The following MAP4K2 variants were observed in gnomAD, a reference collection of about 807,000 sequenced individuals.
The protein encoded by MAP4K2 is B lymphocyte serine/threonine protein kinase.
MAP4K2 carries 85 observed loss-of-function variants against 125.3 expected under a neutral mutation model. The observed-to-expected ratio is 0.68, with a 90% CI of 0.57 to 0.81. The LOEUF is 0.81. MAP4K2 is among the 40% of genes least tolerant of loss of function. MAP4K2 has a pLI of 0.00. For synonymous variants in MAP4K2, 479 were observed against 445.1 expected (o/e 1.08, Z -0.96); for missense variants, 923 against 1,056.4 (o/e 0.87, Z 1.75).
At chr11:64,799,712 C>T (rs1356889128) in intron 12 of MAP4K2, 29 bp from the exon 13 acceptor site, 1 of 1,594,700 alleles carries the variant, frequency 6.3e-7, no homozygotes, top group Non-Finnish European at 8.6e-7. Context: ...AGTGTGGACA[C>T]ACCTGGCACG....
At chr11:64,802,849 C>A in intron 2 of MAP4K2, 36 bp downstream of exon 2, 1 of 1,587,554 alleles carries the variant, frequency 6.3e-7, no homozygotes. Context: ...GCGCTCTGCC[C>A]TTCCTCTGGC....
intron 25 of MAP4K2, 34 bp from the exon 26 acceptor site, chr11:64,792,309 G>A: frequency 6.3e-7 from 1 of 1,588,174 alleles, no homozygotes; most frequent in Non-Finnish European, 8.6e-7. Flanking sequence ...CACCGGGCTG[G>A]GCCTGCGCTG....
rs565546034 is a variant in MAP4K2, at chr11:64,789,509, G to A, written c.*28C>T. On this transcript the variant is annotated 3_prime_UTR_variant, in exon 32 of 32. Transcript: ENST00000294066. ...CTGCAGCTAAGGCGTGGGGTGGGGC[G>A]GGGAGCCCCTGGACAGGCCCGCTGC... 6.2e-5 allele frequency: 97 copies of A among 1,552,526 alleles called. 1 individual carries two copies. In the South Asian group the frequency reaches 9.5e-4, roughly 15 times the overall value.
chr11:64,796,213 A>G (rs543001168), intron 24 of MAP4K2, 60 bp downstream of exon 24: 14 of 1,428,046 alleles, frequency 9.8e-6, no homozygotes, highest in Non-Finnish European at 1.1e-5. Context: ...TGGCAAGGCC[A>G]TGTTCCAGCC....
chr11:64,791,222 G>A (rs1207849208), intron 27 of MAP4K2, among the ~76,000 whole-genome samples: 5 of 152,204 alleles, frequency 3.3e-5, no homozygotes, highest in East Asian at 3.9e-4. Context: ...AACTACGTGC[G>A]CCCTCCTTTC....
chr11:64,802,052 A>C lies in MAP4K2; in HGVS notation c.366+14T>G. The C allele has an allele frequency of 2.5e-6, 4 of 1,610,730 alleles. No individual in the cohort carries two copies. The highest frequency in any genetic ancestry group is 2.5e-6 in the Non-Finnish European group (3 of 1,179,342). Reference sequence around the variant, plus strand: ...TGGAGACCAGAGGTGTGGGCACCTCACAGGCCCAGCTACCTTCAGTGCCTC... The same window carrying C: ...TGGAGACCAGAGGTGTGGGCACCTCCCAGGCCCAGCTACCTTCAGTGCCTC... On this transcript the variant is annotated intron_variant, in intron 5 of 31. Transcript: ENST00000294066.
intron 29 of MAP4K2, 109 bp from the exon 30 acceptor site, chr11:64,790,068 G>T: frequency 6.5e-7 from 1 of 1,532,592 alleles, no homozygotes; most frequent in African/African-American, 1.4e-5. Flanking sequence ...AGGTGACCAG[G>T]ATGGCTCAGG....
chr11:64,799,361 C>CA (rs1233388304), intron 14 of MAP4K2, 60 bp downstream of exon 14: 3 of 1,591,630 alleles, frequency 1.9e-6, no homozygotes, highest in Non-Finnish European at 2.6e-6. Context: ...GCTCGGCCTC[C>CA]ATCCGACCTC....
chr11:64,791,704 G>A (rs921863178), intron 27 of MAP4K2, among the ~76,000 whole-genome samples: 5 of 152,152 alleles, frequency 3.3e-5, no homozygotes, highest in Non-Finnish European at 5.9e-5. Context: ...AAGCCCTTCC[G>A]TCTAATGAAC....
At chr11:64,798,712 G>T in intron 15 of MAP4K2, 82 bp downstream of exon 15, 1 of 1,494,410 alleles carries the variant, frequency 6.7e-7, no homozygotes, top group East Asian at 2.3e-5. Flanking sequence ...TGGGATTACA[G>T]GCATGAGCCA....
At chr11:64,797,940 T>G (rs373629438) in intron 15 of MAP4K2, among the ~76,000 whole-genome samples, 1 of 151,506 alleles carries the variant, frequency 6.6e-6, no homozygotes, top group Admixed American at 6.6e-5. Context: ...CTCCTGCCCT[T>G]GTGATCCGCC....
intron 27 of MAP4K2, 79 bp from the exon 28 acceptor site, chr11:64,790,541 A>T: frequency 2.9e-6 from 4 of 1,384,186 alleles, no homozygotes; most frequent in South Asian, 1.2e-5. Context: ...GCCAGGCTAC[A>T]GACAGCCCTT....
chr11:64,795,510 C>T lies in MAP4K2; in HGVS notation c.1751+763G>A, dbSNP rs188570293. ...CTGCCTCTCAGGTTCAAGCGATTCT[C>T]CTGTCTCAGCCTCCCGAGTAGCTGG... is the stretch of plus-strand genomic sequence containing the variant. On this transcript the variant is annotated intron_variant, in intron 24 of 31. Coordinates refer to ENST00000294066, the MANE Select transcript of MAP4K2 (RefSeq NM_004579.5). Among the ~76,000 whole-genome samples the T allele has an allele frequency of 6.9e-3, 1,047 of 150,822 alleles. 9 individuals carry two copies. The highest frequency in any genetic ancestry group is 9.7e-3 in the Non-Finnish European group (659 of 67,626).
Position 64,802,955 on chromosome 11 carries a change from A to C in MAP4K2, c.97-13T>G, listed in dbSNP as rs745731838. The C allele has an allele frequency of 1.9e-6, 3 of 1,542,296 alleles. No individual in the cohort carries two copies. Among genetic ancestry groups the C allele is most frequent in the African/African-American group, 1.4e-5 (1 of 72,664 alleles). On this transcript the variant is annotated splice_polypyrimidine_tract_variant and intron_variant, in intron 1 of 31. Coordinates refer to ENST00000294066, the MANE Select transcript of MAP4K2 (RefSeq NM_004579.5). ...CCGTGTCGCGGGCCTGCAGGGGCGG[A>C]GGGTGAAGCGGGATGGGGGGCGGGG...
chr11:64,800,788 G>C lies in MAP4K2; in HGVS notation c.701C>G (p.Pro234Arg). Residue 234 changes from proline (P) to arginine (R), a missense_variant, in exon 10 of 32, where the codon CCC becomes CGC. Physicochemically the swap from Pro to Arg is moderately radical, Grantham distance 103 (BLOSUM62 -2). This residue lies in a region of MAP4K2 where 833 missense variants were observed against 911.4 expected (regional missense o/e 0.91). Transcript: ENST00000294066. ...CCAGCGAGTCTTATCTCTCAGTTTG[G>C]GCGGCTGGAAGCTGCTCTTCGACAT... ...MLMSKSSFQP[P>R]KLRDKTRWTQ... 6.2e-7 allele frequency: 1 copy of C among 1,609,534 alleles called. No individual in the cohort carries two copies.
At chr11:64,802,964 CG>C (rs1941326967) in intron 1 of MAP4K2, 22 bp from the exon 2 acceptor site, 15 of 1,482,110 alleles carry the variant, frequency 1.0e-5, no homozygotes, top group Middle Eastern at 3.7e-4. Context: ...GAGGGTGAAG[CG>C]GGATGGGGGG....
rs752471866 is a variant in MAP4K2 at position 64,803,187 on chromosome 11, G to C, written c.-38C>G. ...GGCGGGCCGGCAGGCGGGCGGGCGC[G>C]AGCTGCGGAGCCGGCGCGGGGCGGC... is the stretch of plus-strand genomic sequence containing the variant. On this transcript the variant is annotated 5_prime_UTR_variant, in exon 1 of 32. Transcript: ENST00000294066. 3.1e-6 allele frequency: 3 copies of C among 958,710 alleles called. No homozygotes were observed. The highest frequency in any genetic ancestry group is 5.9e-5 in the Admixed American group (1 of 17,054). 59.4% of individuals were successfully genotyped at this position (958,710 alleles called of 1,614,324 possible). A position where few individuals can be genotyped will look rare whatever the true frequency, so the allele number is the denominator to read the frequency against.
intron 20 of MAP4K2, 30 bp downstream of exon 20, chr11:64,796,952 G>A: frequency 6.2e-7 from 1 of 1,613,860 alleles, no homozygotes; most frequent in Non-Finnish European, 8.5e-7. Context: ...GCAGGGCTGT[G>A]GGACTGCAGG....
chr11:64,786,150 A>C lies in MAP4K2; in HGVS notation c.*3387T>G, dbSNP rs985095485. 2.0e-5 allele frequency: 3 copies of C among 152,192 alleles called. No homozygotes were observed. The highest frequency in any genetic ancestry group is 2.9e-5 in the Non-Finnish European group (2 of 68,036). 9.4% of individuals were successfully genotyped at this position (152,192 alleles called of 1,614,324 possible). On this transcript the variant is annotated 3_prime_UTR_variant, in exon 32 of 32. Coordinates refer to ENST00000294066, the MANE Select transcript of MAP4K2 (RefSeq NM_004579.5). ...GTATCTTGGGCATGTATTGCTAAAC[A>C]ATAGATGGTTTCATTTTGTTTTTGA...
Sources: allele counts gnomAD v4.1 joint callset (sites outside exome capture counted in the v4.1 genomes callset), GRCh38; gene constraint gnomAD v4.1.1; regional missense constraint gnomAD v4.1.1; transcripts MANE v1.5; gene names NCBI Gene and HGNC (gene_info 2026-07-23, HGNC 2026-07-21).